Variants in LIPE observed in about 807,000 individuals in gnomAD.
The protein encoded by LIPE is hormone-sensitive lipase.
In LIPE, 66 loss-of-function variants were observed where a neutral mutation model predicts 88.5. The ratio of observed to expected loss-of-function variants is 0.75; its 90% CI spans 0.61 to 0.91. The LOEUF (loss-of-function observed/expected upper bound fraction) is 0.91. LIPE is among the 40% of genes least tolerant of loss of function. The pLI, the probability that LIPE is intolerant of heterozygous loss-of-function variation, is 0.00. For missense variants in LIPE, 1,346 were observed against 1,434.7 expected (o/e 0.94, Z 1.00); for synonymous variants, 570 against 617.5 (o/e 0.92, Z 1.14).
rs932761645 is a variant in LIPE, at chr19:42,408,739, G to A, written c.1420-417C>T. ...CATAGGAGGCTGAGGCAGGAGAATCGCTTGAACCCAGGAGGCAGAGGTTGC... is the reference window on the plus strand; with the variant it reads ...CATAGGAGGCTGAGGCAGGAGAATCACTTGAACCCAGGAGGCAGAGGTTGC... On this transcript the variant is annotated intron_variant, in intron 2 of 9. Coordinates refer to ENST00000244289, the MANE Select transcript of LIPE (RefSeq NM_005357.4). This position sits in a 1 kb window ranked among gnomAD's most constrained non-coding sequence, Gnocchi z 4.3. Among the ~76,000 whole-genome samples, 2 of 151,438 alleles carry A rather than the reference G, an allele frequency of 1.3e-5. No homozygotes were observed. Among genetic ancestry groups the A allele is most frequent in the Non-Finnish European group, 2.9e-5 (2 of 67,830 alleles).
In LIPE at chr19:42,408,566, A is replaced by C; in HGVS notation, c.1420-244T>G. On this transcript the variant is annotated intron_variant, in intron 2 of 9. Coordinates refer to ENST00000244289, the MANE Select transcript of LIPE (RefSeq NM_005357.4). This position sits in a 1 kb window ranked among gnomAD's most constrained non-coding sequence, Gnocchi z 4.3. ...TGACAAGGAATGACGAATGGTTTGG[A>C]AAAAAAAAAAGGCAGTAGGTGGAGA... The C allele has an allele frequency of 4.1e-6, 1 of 245,962 alleles. No homozygotes were observed. Among genetic ancestry groups the C allele is most frequent in the Non-Finnish European group, 7.6e-6 (1 of 131,342 alleles). The allele number at this position is 245,962 out of a possible 1,614,324, so 15.2% of individuals were successfully genotyped here.
Position 42,410,918 on chromosome 19 carries a change from A to C in LIPE, c.884-76T>G. On this transcript the variant is annotated intron_variant, in intron 1 of 9. Transcript: ENST00000244289. The surrounding 1 kb of genome is among the most constrained non-coding windows in gnomAD (Gnocchi z 6.1). ...TAGCTGGGGCCCAGGAGTCTGGGCC[A>C]TAGCTTACCCACTCCTCCTTCAAAC... 3 of 1,366,946 alleles carry C rather than the reference A, an allele frequency of 2.2e-6. No individual in the cohort carries two copies. The highest frequency in any genetic ancestry group is 3.0e-6 in the Non-Finnish European group (3 of 1,010,928). 84.7% of individuals were successfully genotyped at this position (1,366,946 alleles called of 1,614,324 possible).
In LIPE at chr19:42,402,879, C is replaced by T. The variant is rs2147561741; in HGVS notation, c.2695G>A (p.Glu899Lys). The T allele has an allele frequency of 1.2e-6, 2 of 1,613,760 alleles. No homozygotes were observed. Among genetic ancestry groups the T allele is most frequent in the Non-Finnish European group, 1.7e-6 (2 of 1,179,960 alleles). ...SDTPEMSLSA[E>K]TLSPSTPSDV... ...GAGGGTGTGGAGGGGCTAAGTGTCT[C>T]AGCTGACAGCGACATCTCGGGGGTG... The change falls in exon 9 of 10, where the codon GAG becomes AAG. Residue 899 changes from glutamate to lysine, a missense_variant. By Grantham distance (56) the Glu-to-Lys change is moderately conservative. Coordinates refer to ENST00000244289, the MANE Select transcript of LIPE (RefSeq NM_005357.4).
At chr19:42,426,101 CTTTT>C (rs1030833973) in intron 1 of LIPE, among the ~76,000 whole-genome samples, 162 bp downstream of exon 1, 6 of 104,122 alleles carry the variant, frequency 5.8e-5, no homozygotes, top group Non-Finnish European at 1.1e-4. Flanking sequence ...TGCGCCCAGC[CTTTT>C]TTTTTTTTTT....
intron 1 of LIPE, among the ~76,000 whole-genome samples, chr19:42,415,827 T>C (rs1415016207): frequency 6.8e-6 from 1 of 147,040 alleles, no homozygotes; most frequent in African/African-American, 2.5e-5. Flanking sequence ...AAAAAAAAAG[T>C]GAACTAGGCT....
At position 42,410,728 on chromosome 19, in the gene LIPE, C is replaced by A. The variant is rs112497256; in HGVS notation, c.998G>T (p.Arg333Leu). The change falls in exon 2 of 10, where the codon CGG becomes CTG. Residue 333 changes from arginine (R) to leucine (L), a missense_variant. By Grantham distance (102) the Arg-to-Leu change is moderately radical. Coordinates refer to ENST00000244289, the MANE Select transcript of LIPE (RefSeq NM_005357.4). The surrounding 1 kb of genome is among the most constrained non-coding windows in gnomAD (Gnocchi z 6.1). ...SSQGPGETAQ[R>L]LSGVFAGVRE... ...TACACCGGCAAAAACGCCTGACAGC[C>A]GCTGGGCCGTTTCCCCAGGACCCTG... The A allele has an allele frequency of 6.2e-7, 1 of 1,613,916 alleles. No individual in the cohort carries two copies. The highest frequency in any genetic ancestry group is 1.1e-5 in the South Asian group (1 of 91,066).
chr19:42,403,644 G>A (rs1014709835), intron 8 of LIPE, among the ~76,000 whole-genome samples: 6 of 151,836 alleles, frequency 4.0e-5, no homozygotes, highest in Non-Finnish European at 7.4e-5. Context: ...GCAGAGATGG[G>A]GTTTCGCCAT....
rs2040444108 is a variant in LIPE, at chr19:42,414,255, A to C, written c.884-3413T>G. On this transcript the variant is annotated intron_variant, in intron 1 of 9. Coordinates refer to ENST00000244289, the MANE Select transcript of LIPE (RefSeq NM_005357.4). This position sits in a 1 kb window ranked among gnomAD's most constrained non-coding sequence, Gnocchi z 4.6. ...CGCCACTGTACTCCAGCCTGGCGAT[A>C]AAGCGAGACTCTGTCAGAAAAGAAA... Among the ~76,000 whole-genome samples the C allele has an allele frequency of 6.6e-6, 1 of 151,930 alleles. No individual in the cohort carries two copies. The highest frequency in any genetic ancestry group is 1.5e-5 in the Non-Finnish European group (1 of 67,998).
chr19:42,408,375 G>T lies in LIPE; in HGVS notation c.1420-53C>A. ...ACCGCTCAAGAGAGGGATGGGGACA[G>T]GGCAGGAGCGAGGCACAGGGATGTG... is the stretch of plus-strand genomic sequence containing the variant. On this transcript the variant is annotated intron_variant, in intron 2 of 9. Transcript: ENST00000244289. This position sits in a 1 kb window ranked among gnomAD's most constrained non-coding sequence, Gnocchi z 4.3. The T allele has an allele frequency of 6.9e-7, 1 of 1,448,662 alleles. No individual in the cohort carries two copies. Among genetic ancestry groups the T allele is most frequent in the South Asian group, 1.1e-5 (1 of 87,712 alleles). The allele number at this position is 1,448,662 out of a possible 1,614,324, so 89.7% of individuals were successfully genotyped here.
At chr19:42,424,097 G>C in intron 1 of LIPE, 1 of 1,189,516 alleles carries the variant, frequency 8.4e-7, no homozygotes, top group Non-Finnish European at 1.1e-6. Flanking sequence ...CGTTGGAGGA[G>C]GGAGCCCCGC....
chr19:42,411,456 CT>C, intron 1 of LIPE: 1 of 356,882 alleles, frequency 2.8e-6, no homozygotes, highest in Non-Finnish European at 3.9e-6. Context: ...ATCTTTCCTT[CT>C]TAGGCCCCAA....
rs1448362814 is a variant in LIPE, at chr19:42,408,146, G to A, written c.1511-25C>T. On this transcript the variant is annotated intron_variant, in intron 3 of 9. Coordinates refer to ENST00000244289, the MANE Select transcript of LIPE (RefSeq NM_005357.4). The surrounding 1 kb of genome is among the most constrained non-coding windows in gnomAD (Gnocchi z 4.3). ...CCTAGGGGTCAGAAGGGGTGTCAGG[G>A]AGCCCCAGTGGGTCAGGCTGCTTGG... 3.1e-6 allele frequency: 5 copies of A among 1,613,888 alleles called. No individual in the cohort carries two copies. The South Asian group carries it at 5.5e-5, about 18-fold the overall frequency.
Position 42,407,952 on chromosome 19 carries a change from T to C in LIPE, c.1656+24A>G. 1 of 1,606,906 alleles carries C rather than the reference T, an allele frequency of 6.2e-7. No individual in the cohort carries two copies. The highest frequency in any genetic ancestry group is 1.7e-5 in the Admixed American group (1 of 58,864). On this transcript the variant is annotated intron_variant, in intron 4 of 9. Transcript: ENST00000244289. This position sits in a 1 kb window ranked among gnomAD's most constrained non-coding sequence, Gnocchi z 5.8. ...TCAGATGAGTCTCTGGGCCTCAGTG[T>C]CCCCATCTGCAACAGGCCCTCACCG...
chr19:42,413,990 C>T (rs775584237), intron 1 of LIPE, among the ~76,000 whole-genome samples: 2 of 152,092 alleles, frequency 1.3e-5, no homozygotes, highest in African/African-American at 2.4e-5. Context: ...GAAAATGGGA[C>T]GATGTGGGCT....
chr19:42,426,059 C>A (rs550834323), intron 1 of LIPE, among the ~76,000 whole-genome samples: 1 of 150,764 alleles, frequency 6.6e-6, no homozygotes, highest in African/African-American at 2.4e-5. Flanking sequence ...GCCTCGGCCT[C>A]CCAAAGTGCT....
At position 42,406,104 on chromosome 19, in the gene LIPE, CT is replaced by C; in HGVS notation, c.2365+56del. 6.8e-7 allele frequency: 1 copy of C among 1,478,392 alleles called. No individual in the cohort carries two copies. 91.6% of individuals were successfully genotyped at this position (1,478,392 alleles called of 1,614,324 possible). On this transcript the variant is annotated intron_variant, in intron 7 of 9. Transcript: ENST00000244289. The surrounding 1 kb of genome is among the most constrained non-coding windows in gnomAD (Gnocchi z 5.7). ...AGGAGTCCTGGTCCCCAGCCCGTCCCTGCAGGAGTCAGACATCCATGCAGTC... is the reference window on the plus strand; with the variant it reads ...AGGAGTCCTGGTCCCCAGCCCGTCCCGCAGGAGTCAGACATCCATGCAGTC...
Position 42,410,203 on chromosome 19 carries a change from C to G in LIPE, c.1419+104G>C. The G allele has an allele frequency of 8.5e-7, 1 of 1,179,462 alleles. No individual in the cohort carries two copies. The highest frequency in any genetic ancestry group is 1.2e-6 in the Non-Finnish European group (1 of 858,094). 73.1% of individuals were successfully genotyped at this position (1,179,462 alleles called of 1,614,324 possible). ...TTTCTGTACCTGCTGTTTGCTGAGTCCGATAATGCTGACCACTGGTTACTT... is the reference window on the plus strand; with the variant it reads ...TTTCTGTACCTGCTGTTTGCTGAGTGCGATAATGCTGACCACTGGTTACTT... On this transcript the variant is annotated intron_variant, in intron 2 of 9. Transcript: ENST00000244289. This position sits in a 1 kb window ranked among gnomAD's most constrained non-coding sequence, Gnocchi z 6.1.
Position 42,402,589 on chromosome 19 carries a change from G to C in LIPE, c.2967+18C>G. 1 of 1,469,104 alleles carries C rather than the reference G, an allele frequency of 6.8e-7. No homozygotes were observed. The highest frequency in any genetic ancestry group is 1.5e-5 in the African/African-American group (1 of 68,436). 91.0% of individuals were successfully genotyped at this position (1,469,104 alleles called of 1,614,324 possible). A position where few individuals can be genotyped will look rare whatever the true frequency, so the allele number is the denominator to read the frequency against. ...CTCTTCTCTAAATGCACCTGTACCG[G>C]CCCCCTCTGTCGCTCACCACGATGT... is the stretch of plus-strand genomic sequence containing the variant. On this transcript the variant is annotated intron_variant, in intron 9 of 9. Coordinates refer to ENST00000244289, the MANE Select transcript of LIPE (RefSeq NM_005357.4).
Position 42,427,361 on chromosome 19 carries a change from C to A in LIPE, c.-212G>T. 1.2e-6 allele frequency: 1 copy of A among 805,200 alleles called. No homozygotes were observed. The highest frequency in any genetic ancestry group is 3.9e-4 in the Middle Eastern group (1 of 2,542). The allele number at this position is 805,200 out of a possible 1,614,324, so 49.9% of individuals were successfully genotyped here. A position where few individuals can be genotyped will look rare whatever the true frequency, so the allele number is the denominator to read the frequency against. ...CCCCACTAAGTAATGAACTCTGTGC[C>A]TCTTTCTTTGGTGGGAGGATTAGGA... On this transcript the variant is annotated 5_prime_UTR_variant, in exon 1 of 10. It adds an upstream start codon to the 5' untranslated region. Coordinates refer to ENST00000244289, the MANE Select transcript of LIPE (RefSeq NM_005357.4).
Sources: allele counts gnomAD v4.1 joint callset (sites outside exome capture counted in the v4.1 genomes callset), GRCh38; gene constraint gnomAD v4.1.1; non-coding constraint Gnocchi (gnomAD v3.1); transcripts MANE v1.5; gene names NCBI Gene and HGNC (gene_info 2026-07-23, HGNC 2026-07-21).